Variants in NSMCE2 observed in about 807,000 individuals in gnomAD.
NSMCE2 encodes E3 SUMO-protein ligase NSE2.
In NSMCE2, 24 loss-of-function variants were observed where a neutral mutation model predicts 23.8. That is an observed-to-expected ratio of 1.01 (90% CI 0.73 to 1.42). The LOEUF is 1.42. NSMCE2 is among the 40% of genes most tolerant of loss of function. The pLI is 0.00. For synonymous variants in NSMCE2, 92 were observed against 94.1 expected (o/e 0.98, Z 0.13); for missense variants, 284 against 296.5 (o/e 0.96, Z 0.31).
At chr8:125,131,421 T>C (rs1819765041) in intron 3 of NSMCE2, among the ~76,000 whole-genome samples, 1 of 152,172 alleles carries the variant, frequency 6.6e-6, no homozygotes, top group African/African-American at 2.4e-5. Flanking sequence ...TTCACTCATA[T>C]ATAACAAAAC....
intron 5 of NSMCE2, among the ~76,000 whole-genome samples, chr8:125,222,383 T>C (rs1472736283): frequency 6.6e-6 from 1 of 152,182 alleles, no homozygotes; most frequent in African/African-American, 2.4e-5. Flanking sequence ...TTTTGAAATC[T>C]CCTCTAAGTA....
chr8:125,216,608 T>C (rs1824595750), intron 5 of NSMCE2, among the ~76,000 whole-genome samples: 1 of 149,114 alleles, frequency 6.7e-6, no homozygotes, highest in Admixed American at 6.7e-5. Flanking sequence ...CACTCCAGCC[T>C]GGGCAACAAG....
At chr8:125,249,283 G>A (rs889084150) in intron 5 of NSMCE2, among the ~76,000 whole-genome samples, 36 of 152,096 alleles carry the variant, frequency 2.4e-4, no homozygotes, top group Admixed American at 2.2e-3. Flanking sequence ...CAAAAAACAG[G>A]TTCCTTAAGA....
At chr8:125,095,239 T>C (rs1246776159) in intron 1 of NSMCE2, among the ~76,000 whole-genome samples, 1 of 152,198 alleles carries the variant, frequency 6.6e-6, no homozygotes, top group East Asian at 1.9e-4. Flanking sequence ...AAAGTTCTAT[T>C]GGACAATGCT....
intron 3 of NSMCE2, among the ~76,000 whole-genome samples, chr8:125,132,302 A>G (rs1433040893): frequency 2.0e-5 from 3 of 152,028 alleles, no homozygotes; most frequent in East Asian, 1.9e-4. Flanking sequence ...GGGTCTCACT[A>G]TGTTGGCCAG....
intron 5 of NSMCE2, among the ~76,000 whole-genome samples, chr8:125,343,719 G>C (rs866736883): frequency 1.3e-5 from 2 of 152,124 alleles, no homozygotes; most frequent in Non-Finnish European, 2.9e-5. Flanking sequence ...ACTGCTGCCG[G>C]GCACAGTGGC....
intron 4 of NSMCE2, among the ~76,000 whole-genome samples, chr8:125,174,086 G>A (rs951186474): frequency 4.6e-5 from 7 of 152,146 alleles, no homozygotes; most frequent in African/African-American, 1.7e-4. Context: ...AAGATTGCCT[G>A]TGAAATGGTA....
chr8:125,206,202 C>G (rs1397937925), intron 5 of NSMCE2, among the ~76,000 whole-genome samples: 2 of 152,132 alleles, frequency 1.3e-5, no homozygotes, highest in African/African-American at 4.8e-5. Context: ...ACAGAAGTCA[C>G]AGGACTTGAG....
chr8:125,186,899 A>G (rs1823132943), intron 5 of NSMCE2, among the ~76,000 whole-genome samples: 1 of 152,216 alleles, frequency 6.6e-6, no homozygotes, highest in Non-Finnish European at 1.5e-5. Flanking sequence ...GTTACACACA[A>G]TGATTTTCCC....
intron 4 of NSMCE2, among the ~76,000 whole-genome samples, chr8:125,161,327 A>T: frequency 6.6e-6 from 1 of 151,890 alleles, no homozygotes; most frequent in Non-Finnish European, 1.5e-5. Context: ...ATAATACAGC[A>T]CTCTTTAGTG....
intron 5 of NSMCE2, among the ~76,000 whole-genome samples, chr8:125,229,876 G>A (rs944830435): frequency 1.3e-5 from 2 of 151,846 alleles, no homozygotes; most frequent in African/African-American, 4.8e-5. Flanking sequence ...GAATTTTTGA[G>A]GGAAGAAATA....
chr8:125,120,548 G>A (rs1364613334), intron 3 of NSMCE2, among the ~76,000 whole-genome samples: 1 of 152,210 alleles, frequency 6.6e-6, no homozygotes, highest in Non-Finnish European at 1.5e-5. Context: ...CATATTTTGT[G>A]GCTGATGTGG....
At chr8:125,186,180 A>G (rs1220172499) in intron 5 of NSMCE2, among the ~76,000 whole-genome samples, 1 of 152,190 alleles carries the variant, frequency 6.6e-6, no homozygotes, top group Non-Finnish European at 1.5e-5. Flanking sequence ...TGAAAATTCT[A>G]TTTCAGTGTC....
intron 5 of NSMCE2, among the ~76,000 whole-genome samples, chr8:125,197,971 C>T (rs1359761791): frequency 3.3e-5 from 5 of 152,126 alleles, no homozygotes; most frequent in Admixed American, 2.6e-4. Context: ...TGGGAGTTCA[C>T]TCATGATTTG....
intron 3 of NSMCE2, among the ~76,000 whole-genome samples, chr8:125,134,552 C>CATTTACCTCTTTGGT: frequency 6.6e-6 from 1 of 152,182 alleles, no homozygotes; most frequent in East Asian, 1.9e-4. Context: ...GCTTATTTGG[C>CATTTACCTCTTTGGT]ATTTACCTCT....
rs1459957031 is a variant in NSMCE2, at chr8:125,256,950, AAAAAAAAAAG to A, written c.418+74696_418+74705del. On this transcript the variant is annotated intron_variant, in intron 5 of 7. Coordinates refer to ENST00000287437, the MANE Select transcript of NSMCE2 (RefSeq NM_173685.4). ...AAAAAAAAAAAAAAAAAAAAAAAAA[AAAAAAAAAAG>A]AGGGCTGAAGGTGAAACTCTGGGAG... Among the ~76,000 whole-genome samples, 74 of 134,582 alleles carry A rather than the reference AAAAAAAAAAG, an allele frequency of 5.5e-4. 1 individual carries two copies. Among genetic ancestry groups the A allele is most frequent in the South Asian group, 1.5e-3 (5 of 3,430 alleles). 88.3% of individuals were successfully genotyped at this position (134,582 alleles called of 152,430 possible).
At chr8:125,277,029 C>CAG (rs1563758808) in intron 5 of NSMCE2, among the ~76,000 whole-genome samples, 1 of 152,202 alleles carries the variant, frequency 6.6e-6, no homozygotes, top group African/African-American at 2.4e-5. Flanking sequence ...TTTCTTACAG[C>CAG]AGTGTTCATA....
intron 5 of NSMCE2, among the ~76,000 whole-genome samples, chr8:125,292,777 T>C (rs1288795753): frequency 6.6e-6 from 1 of 152,192 alleles, no homozygotes; most frequent in Admixed American, 6.5e-5. Flanking sequence ...AGCAAATCGA[T>C]TCTGAAAAGT....
intron 5 of NSMCE2, among the ~76,000 whole-genome samples, chr8:125,260,684 A>G (rs368579308): frequency 1.6e-4 from 24 of 150,884 alleles, no homozygotes; most frequent in African/African-American, 5.8e-4. Context: ...GAGTGCAGTG[A>G]TGTGGTCTCA....
Sources: allele counts gnomAD v4.1 joint callset (sites outside exome capture counted in the v4.1 genomes callset), GRCh38; gene constraint gnomAD v4.1.1; transcripts MANE v1.5; gene names NCBI Gene and HGNC (gene_info 2026-07-23, HGNC 2026-07-21).